The following PIEZO2 variants were observed in gnomAD, a reference collection of about 807,000 sequenced individuals.
PIEZO2 encodes the protein piezo-type mechanosensitive ion channel component 2.
Under a neutral mutation model 337.3 loss-of-function variants are expected in PIEZO2, and 172 were observed. The ratio of observed to expected loss-of-function variants is 0.51; its 90% CI spans 0.45 to 0.58. The LOEUF is 0.58. PIEZO2 is among the 20% of genes least tolerant of loss of function. PIEZO2 has a pLI of 0.00. For missense variants in PIEZO2, 3,028 were observed against 3,391.3 expected (o/e 0.89, Z 2.66); for synonymous variants, 1,251 against 1,228.5 (o/e 1.02, Z -0.38).
chr18:10,680,912 A>G (rs2034237521), intron 51 of PIEZO2, among the ~76,000 whole-genome samples: 1 of 152,226 alleles, frequency 6.6e-6, no homozygotes, highest in Non-Finnish European at 1.5e-5. Flanking sequence ...ATGTTATATT[A>G]TTAACAGTGT....
intron 3 of PIEZO2, among the ~76,000 whole-genome samples, chr18:10,916,322 G>A (rs1047873658): frequency 2.0e-5 from 3 of 152,176 alleles, no homozygotes; most frequent in African/African-American, 7.2e-5. Flanking sequence ...ATGGGACCAG[G>A]AGCCGCCTAG....
rs1428465452 is a variant in PIEZO2 at position 10,962,660 on chromosome 18, T to C, written c.286+16875A>G. Among the ~76,000 whole-genome samples the C allele has an allele frequency of 6.6e-6, 1 of 152,218 alleles. No individual in the cohort carries two copies. The highest frequency in any genetic ancestry group is 1.5e-5 in the Non-Finnish European group (1 of 68,034). On this transcript the variant is annotated intron_variant, in intron 3 of 55. Coordinates refer to ENST00000674853, the MANE Select transcript of PIEZO2 (RefSeq NM_001378183.1). The surrounding 1 kb of genome is among the most constrained non-coding windows in gnomAD (Gnocchi z 4.1). The stretch of plus-strand genomic sequence containing the variant: ...TTTCCTCTTACCAAGTACAAATTAC[T>C]TTCTCCATAAGCAAACTTTCAGTAG...
In PIEZO2 at chr18:11,077,748, C is replaced by T. The variant is rs757073994; in HGVS notation, c.65-11526G>A. Among the ~76,000 whole-genome samples the T allele has an allele frequency of 3.3e-5, 5 of 152,148 alleles. No individual in the cohort carries two copies. The highest frequency in any genetic ancestry group is 1.3e-4 in the Admixed American group (2 of 15,282). ...ATCAGTACTTTTAAACTTTGAACCA[C>T]TGACCTTGGTAGTTCTATATGTCAA... On this transcript the variant is annotated intron_variant, in intron 1 of 55. Transcript: ENST00000674853. This position sits in a 1 kb window ranked among gnomAD's most constrained non-coding sequence, Gnocchi z 4.8.
intron 2 of PIEZO2, among the ~76,000 whole-genome samples, chr18:10,992,802 C>A (rs1312630083): frequency 6.6e-6 from 1 of 152,144 alleles, no homozygotes; most frequent in Non-Finnish European, 1.5e-5. Context: ...AGCATTGAAT[C>A]TATAAATTAC....
chr18:11,020,669 A>T (rs1426201654), intron 2 of PIEZO2, among the ~76,000 whole-genome samples: 2 of 152,174 alleles, frequency 1.3e-5, no homozygotes, highest in Admixed American at 6.5e-5. Flanking sequence ...CCAACCACTA[A>T]ATAGAAGTTA....
intron 2 of PIEZO2, among the ~76,000 whole-genome samples, chr18:11,046,769 C>T (rs7243251): frequency 0.012 from 1,792 of 152,286 alleles, 47 homozygotes; most frequent in African/African-American, 0.041. Context: ...CCAAGGAGGC[C>T]AAGGCAGGCC....
At position 11,035,242 on chromosome 18, in the gene PIEZO2, TGA is replaced by T. The variant is rs2036884096; in HGVS notation, c.160+30883_160+30884del. On this transcript the variant is annotated intron_variant, in intron 2 of 55. Coordinates refer to ENST00000674853, the MANE Select transcript of PIEZO2 (RefSeq NM_001378183.1). This position sits in a 1 kb window ranked among gnomAD's most constrained non-coding sequence, Gnocchi z 4.3. ...GGGAGGTGTTTGGTCCCAGCAGTAA[TGA>T]GAGAGTTCTTGCTCTGTTAGTTCAC... 1.3e-5 allele frequency among the ~76,000 whole-genome samples: 2 copies of T among 152,146 alleles called. No individual in the cohort carries two copies. The highest frequency in any genetic ancestry group is 2.4e-5 in the African/African-American group (1 of 41,428).
rs1255196529 is a variant in PIEZO2, at chr18:11,127,275, C to A, written c.64+21250G>T. On this transcript the variant is annotated intron_variant, in intron 1 of 55. Coordinates refer to ENST00000674853, the MANE Select transcript of PIEZO2 (RefSeq NM_001378183.1). The surrounding 1 kb of genome is among the most constrained non-coding windows in gnomAD (Gnocchi z 4.5). Reference sequence around the variant, plus strand: ...CGCTCATCAGAGCACACAGCCACTGCAAAGAACTTAAAGCAAAAATAGTTG... The same window carrying A: ...CGCTCATCAGAGCACACAGCCACTGAAAAGAACTTAAAGCAAAAATAGTTG... 6.6e-6 allele frequency among the ~76,000 whole-genome samples: 1 copy of A among 152,070 alleles called. No homozygotes were observed. The highest frequency in any genetic ancestry group is 1.5e-5 in the Non-Finnish European group (1 of 68,012).
rs1328879850 is a variant in PIEZO2, at chr18:10,699,096, G to T, written c.6523C>A (p.His2175Asn). ...EESDDELSLG[H>N]GRRDSSDSLK... ...GAATCGGAGGAGTCCCTCCTGCCAT[G>T]ACCGAGGGAGAGCTCATCATCTGAT... The change falls in exon 44 of 56, where the codon CAT becomes AAT. Residue 2175 changes from histidine to asparagine, a missense_variant. Transcript: ENST00000674853. The T allele has an allele frequency of 1.3e-6, 2 of 1,537,216 alleles. No individual in the cohort carries two copies. Among genetic ancestry groups the T allele is most frequent in the East Asian group, 4.9e-5 (2 of 40,908 alleles).
At chr18:11,025,240 A>T (rs2036495498) in intron 2 of PIEZO2, among the ~76,000 whole-genome samples, 1 of 152,196 alleles carries the variant, frequency 6.6e-6, no homozygotes, top group Admixed American at 6.5e-5. Flanking sequence ...GGTTACAATT[A>T]AAATATATAA....
intron 2 of PIEZO2, among the ~76,000 whole-genome samples, chr18:11,010,792 T>A (rs1386381085): frequency 6.6e-6 from 1 of 152,244 alleles, no homozygotes; most frequent in East Asian, 1.9e-4. Flanking sequence ...ACGAGGCCCA[T>A]GTTTATTTGC....
rs764007392 is a variant in PIEZO2 at position 11,078,484 on chromosome 18, T to C, written c.65-12262A>G. ...ACAACTAATACAGCCGTAAATTGATTAAAATTACTGTTTTATCTTGATGAA... is the reference window on the plus strand; with the variant it reads ...ACAACTAATACAGCCGTAAATTGATCAAAATTACTGTTTTATCTTGATGAA... On this transcript the variant is annotated intron_variant, in intron 1 of 55. Coordinates refer to ENST00000674853, the MANE Select transcript of PIEZO2 (RefSeq NM_001378183.1). The surrounding 1 kb of genome is among the most constrained non-coding windows in gnomAD (Gnocchi z 5.3). Among the ~76,000 whole-genome samples the C allele has an allele frequency of 4.6e-5, 7 of 152,220 alleles. No homozygotes were observed. The highest frequency in any genetic ancestry group is 2.6e-4 in the Admixed American group (4 of 15,284).
Position 11,048,491 on chromosome 18 carries a change from AG to A in PIEZO2, c.160+17635del, listed in dbSNP as rs1266717336. Among the ~76,000 whole-genome samples, 3 of 152,254 alleles carry A rather than the reference AG, an allele frequency of 2.0e-5. No homozygotes were observed. Among genetic ancestry groups the A allele is most frequent in the Admixed American group, 6.5e-5 (1 of 15,286 alleles). On this transcript the variant is annotated intron_variant, in intron 2 of 55. Coordinates refer to ENST00000674853, the MANE Select transcript of PIEZO2 (RefSeq NM_001378183.1). This position sits in a 1 kb window ranked among gnomAD's most constrained non-coding sequence, Gnocchi z 4.5. ...GAGGAAATACTAAAAGGCAGCTTAA[AG>A]CACAGTAATTGTCTACTTACATGTT...
chr18:10,791,705 C>A, intron 13 of PIEZO2: 1 of 155,174 alleles, frequency 6.4e-6, no homozygotes. Flanking sequence ...GTACTTCTTG[C>A]ATAATACTCC....
chr18:11,135,456 T>C (rs543545060), intron 1 of PIEZO2, among the ~76,000 whole-genome samples: 1 of 152,312 alleles, frequency 6.6e-6, no homozygotes, highest in South Asian at 2.1e-4. Context: ...GGCTATTAAA[T>C]CCACACTTCA....
chr18:10,727,070 C>G lies in PIEZO2; in HGVS notation c.5029+4337G>C. The stretch of plus-strand genomic sequence containing the variant: ...GGGGTGTTGGGAGGGCAGGAGCATT[C>G]CTTGAGAAGGAGTGGCAACATCAAA... On this transcript the variant is annotated intron_variant, in intron 36 of 55. Coordinates refer to ENST00000674853, the MANE Select transcript of PIEZO2 (RefSeq NM_001378183.1). The surrounding 1 kb of genome is among the most constrained non-coding windows in gnomAD (Gnocchi z 6.3). 1 of 534,134 alleles carries G rather than the reference C, an allele frequency of 1.9e-6. No individual in the cohort carries two copies. The highest frequency in any genetic ancestry group is 3.1e-5 in the South Asian group (1 of 32,200). 33.1% of individuals were successfully genotyped at this position (534,134 alleles called of 1,614,324 possible).
In PIEZO2 at chr18:10,752,846, G is replaced by A; in HGVS notation, c.3957C>T (p.Phe1319=). ...SYLDMSKVII[F]SYLFWFVLTI... ...TGAGCACAAACCAGAAGAGGTAGCT[G>A]AAGATGATCACTTTGGACATGTCTA... Residue 1319 remains phenylalanine (F), a synonymous_variant, in exon 28 of 56, where the codon TTC becomes TTT. Transcript: ENST00000674853. 1 of 1,537,040 alleles carries A rather than the reference G, an allele frequency of 6.5e-7. No individual in the cohort carries two copies.
chr18:10,956,496 C>T (rs1000268934), intron 3 of PIEZO2, among the ~76,000 whole-genome samples: 5 of 152,062 alleles, frequency 3.3e-5, no homozygotes, highest in African/African-American at 9.7e-5. Flanking sequence ...CTCAAAATTC[C>T]AATGTCATTC....
At position 11,148,892 on chromosome 18, in the gene PIEZO2, G is replaced by T. The variant is rs1169334112; in HGVS notation, c.-304C>A. On this transcript the variant is annotated 5_prime_UTR_variant, in exon 1 of 56. Coordinates refer to ENST00000674853, the MANE Select transcript of PIEZO2 (RefSeq NM_001378183.1). The surrounding 1 kb of genome is among the most constrained non-coding windows in gnomAD (Gnocchi z 5.2). Reference sequence around the variant, plus strand: ...AATCCTGGATCCGGCAGCGGCGGCGGCTTCTTCAGGGGTAGCTGATGCCGG... The same window carrying T: ...AATCCTGGATCCGGCAGCGGCGGCGTCTTCTTCAGGGGTAGCTGATGCCGG... The T allele has an allele frequency of 5.8e-6, 2 of 343,934 alleles. No individual in the cohort carries two copies. The highest frequency in any genetic ancestry group is 1.0e-5 in the Non-Finnish European group (2 of 193,186). 21.3% of individuals were successfully genotyped at this position (343,934 alleles called of 1,614,324 possible). A position where few individuals can be genotyped will look rare whatever the true frequency, so the allele number is the denominator to read the frequency against.
Sources: gnomAD v4.1 joint callset for allele counts (sites outside exome capture counted in the v4.1 genomes callset) on GRCh38, gnomAD v4.1.1 for gene constraint, Gnocchi (gnomAD v3.1) non-coding constraint, MANE v1.5 for transcripts, NCBI Gene and HGNC (gene_info 2026-07-23, HGNC 2026-07-21) for gene names.